The following TSPYL4 variants were observed in gnomAD, a reference collection of about 807,000 sequenced individuals.
TSPYL4 encodes TSPY like 4, also known as testis-specific Y-encoded-like protein 4.
Under a neutral mutation model 24.2 loss-of-function variants are expected in TSPYL4, and 22 were observed. The ratio of observed to expected loss-of-function variants is 0.91; its 90% CI spans 0.65 to 1.30. TSPYL4 has a LOEUF of 1.30. Ranked by LOEUF, TSPYL4 falls within the 50% of genes most tolerant of loss-of-function variation. The pLI, the probability that TSPYL4 is intolerant of heterozygous loss-of-function variation, is 0.00. For synonymous variants in TSPYL4, 211 were observed against 208.2 expected (o/e 1.01, Z -0.12); for missense variants, 569 against 536.7 (o/e 1.06, Z -0.60).
Position 116,254,042 on chromosome 6 carries a change from G to T in TSPYL4, c.-34C>A. The T allele has an allele frequency of 7.2e-6, 11 of 1,534,162 alleles. No individual in the cohort carries two copies. The highest frequency in any genetic ancestry group is 9.6e-6 in the Non-Finnish European group (11 of 1,140,924). ...AAGTCAGACTAGTGGGAGAGGGAGAGTTCCTTGTCCTCCGCAGCGGCCGAG... is the reference window on the plus strand; with the variant it reads ...AAGTCAGACTAGTGGGAGAGGGAGATTTCCTTGTCCTCCGCAGCGGCCGAG... On this transcript the variant is annotated 5_prime_UTR_variant, in exon 1 of 1. Transcript: ENST00000420283.
At position 116,250,901 on chromosome 6, in the gene TSPYL4, G is replaced by A. The variant is rs1053164126; in HGVS notation, c.*1863C>T. ...CACATGATCATAACTAAGCCTTGACGGCATCACTGTCCCACCTACTGGAAC... is the reference window on the plus strand; with the variant it reads ...CACATGATCATAACTAAGCCTTGACAGCATCACTGTCCCACCTACTGGAAC... On this transcript the variant is annotated 3_prime_UTR_variant, in exon 1 of 1. Transcript: ENST00000420283. The A allele has an allele frequency of 1.6e-5, 5 of 308,614 alleles. No individual in the cohort carries two copies. The highest frequency in any genetic ancestry group is 2.9e-5 in the Non-Finnish European group (5 of 169,770). 19.1% of individuals were successfully genotyped at this position (308,614 alleles called of 1,614,324 possible).
Position 116,251,775 on chromosome 6 carries a change from G to C in TSPYL4, c.*989C>G, listed in dbSNP as rs1337358801. 6.6e-6 allele frequency: 1 copy of C among 152,320 alleles called. No individual in the cohort carries two copies. Among genetic ancestry groups the C allele is most frequent in the East Asian group, 1.9e-4 (1 of 5,196 alleles). 9.4% of individuals were successfully genotyped at this position (152,320 alleles called of 1,614,324 possible). A position where few individuals can be genotyped will look rare whatever the true frequency, so the allele number is the denominator to read the frequency against. ...GTCATGTTCAGAGTGGGTGCAGGCG[G>C]GGAAAAGAGGAAATGCCTAAAGAAG... On this transcript the variant is annotated 3_prime_UTR_variant, in exon 1 of 1. Coordinates refer to ENST00000420283, the MANE Select transcript of TSPYL4 (RefSeq NM_021648.5).
rs2232470 is a variant in TSPYL4, at chr6:116,253,920, C to A, written c.89G>T (p.Arg30Leu). 1,106,722 of 1,613,130 alleles carry A rather than the reference C, an allele frequency of 0.69. 389,702 individuals carry two copies. The highest frequency in any genetic ancestry group is 1 in the East Asian group (44,804 of 44,874). Residue 30 changes from arginine to leucine, a missense_variant, in exon 1 of 1, where the codon CGA (arginine) becomes CTA (leucine). Arg to Leu is a moderately radical substitution (Grantham distance 102). Coordinates refer to ENST00000420283, the MANE Select transcript of TSPYL4 (RefSeq NM_021648.5). The surrounding 1 kb of genome is among the most constrained non-coding windows in gnomAD (Gnocchi z 4.3). ...TTCACGGAGCCCTTGGCACTGGTCT[C>A]GGTCCGGATCTCCTGAGGCATGGTC... ...APDHASGDPDRDQCQGLREET... is the reference protein window; with the variant it reads ...APDHASGDPDLDQCQGLREET...
rs899928669 is a variant in TSPYL4, at chr6:116,250,020, A to AT, written c.*2743dup. On this transcript the variant is annotated 3_prime_UTR_variant, in exon 1 of 1. Transcript: ENST00000420283. ...ACAAGAAATACGGTAGTGACACTTT[A>AT]TTTTTCCTTCAAGCACATGGGAGAA... 3 of 152,210 alleles carry AT rather than the reference A, an allele frequency of 2.0e-5. No individual in the cohort carries two copies. Among genetic ancestry groups the AT allele is most frequent in the Admixed American group, 6.5e-5 (1 of 15,296 alleles). The allele number at this position is 152,210 out of a possible 1,614,324, so 9.4% of individuals were successfully genotyped here. A position where few individuals can be genotyped will look rare whatever the true frequency, so the allele number is the denominator to read the frequency against.
At position 116,252,692 on chromosome 6, in the gene TSPYL4, G is replaced by A. The variant is rs905233995; in HGVS notation, c.*72C>T. On this transcript the variant is annotated 3_prime_UTR_variant, in exon 1 of 1. Coordinates refer to ENST00000420283, the MANE Select transcript of TSPYL4 (RefSeq NM_021648.5). ...AGAGAAAGCAGATGGAAGACTGCAT[G>A]CTGTTGGCCAAGCATAGGTCCAAGA... 4.9e-6 allele frequency: 7 copies of A among 1,441,050 alleles called. No homozygotes were observed. The East Asian group carries it at 1.2e-4, about 25-fold the overall frequency. 89.3% of individuals were successfully genotyped at this position (1,441,050 alleles called of 1,614,324 possible). A position where few individuals can be genotyped will look rare whatever the true frequency, so the allele number is the denominator to read the frequency against.
rs1771950333 is a variant in TSPYL4 at position 116,251,492 on chromosome 6, A to C, written c.*1272T>G. 1 of 372,020 alleles carries C rather than the reference A, an allele frequency of 2.7e-6. No homozygotes were observed. The highest frequency in any genetic ancestry group is 4.8e-6 in the Non-Finnish European group (1 of 210,482). 23.0% of individuals were successfully genotyped at this position (372,020 alleles called of 1,614,324 possible). A position where few individuals can be genotyped will look rare whatever the true frequency, so the allele number is the denominator to read the frequency against. ...GTGGGGTGGAGGAATAAGGGCAATA[A>C]GAGATCTGGAGCCCATTTAATCATA... On this transcript the variant is annotated 3_prime_UTR_variant, in exon 1 of 1. Transcript: ENST00000420283.
chr6:116,250,885 A>G lies in TSPYL4; in HGVS notation c.*1879T>C, dbSNP rs1229109360. On this transcript the variant is annotated 3_prime_UTR_variant, in exon 1 of 1. Transcript: ENST00000420283. ...ATGGTCTTTATCACCACACATGATCATAACTAAGCCTTGACGGCATCACTG... is the reference window on the plus strand; with the variant it reads ...ATGGTCTTTATCACCACACATGATCGTAACTAAGCCTTGACGGCATCACTG... The G allele has an allele frequency of 2.2e-5, 6 of 276,508 alleles. No homozygotes were observed. The East Asian group carries it at 3.6e-4, about 17-fold the overall frequency. The allele number at this position is 276,508 out of a possible 1,614,324, so 17.1% of individuals were successfully genotyped here.
chr6:116,251,014 GCTT>G lies in TSPYL4; in HGVS notation c.*1747_*1749del. 2 of 393,270 alleles carry G rather than the reference GCTT, an allele frequency of 5.1e-6. No homozygotes were observed. Among genetic ancestry groups the G allele is most frequent in the South Asian group, 1.4e-4 (1 of 6,968 alleles). 24.4% of individuals were successfully genotyped at this position (393,270 alleles called of 1,614,324 possible). A position where few individuals can be genotyped will look rare whatever the true frequency, so the allele number is the denominator to read the frequency against. ...TCTTCCACAATGCAGGCTGCAGCCT[GCTT>G]CTTCATTTGTTAGGAGCAGGGAAGG... On this transcript the variant is annotated 3_prime_UTR_variant, in exon 1 of 1. Coordinates refer to ENST00000420283, the MANE Select transcript of TSPYL4 (RefSeq NM_021648.5).
In TSPYL4 at chr6:116,253,007, T is replaced by G. The variant is rs1418889074; in HGVS notation, c.1002A>C (p.Arg334=). 8.7e-6 allele frequency: 14 copies of G among 1,614,064 alleles called. No individual in the cohort carries two copies. The highest frequency in any genetic ancestry group is 1.1e-5 in the Non-Finnish European group (13 of 1,180,042). ...GGATATGAGCCTGGGGGTCTTGGCC[T>G]CGGTGCCAGCGGATTGGAGTGGAAA... ...VSLSTPIRWH[R]GQDPQAHIHR... is the part of the protein sequence containing the mutation. The change falls in exon 1 of 1, where the codon CGA becomes CGC. Residue 334 remains arginine (R), a synonymous_variant. Coordinates refer to ENST00000420283, the MANE Select transcript of TSPYL4 (RefSeq NM_021648.5). The surrounding 1 kb of genome is among the most constrained non-coding windows in gnomAD (Gnocchi z 4.3).
rs748300413 is a variant in TSPYL4 at position 116,251,899 on chromosome 6, G to A, written c.*865C>T. The A allele has an allele frequency of 1.3e-5, 2 of 152,210 alleles. No individual in the cohort carries two copies. Among genetic ancestry groups the A allele is most frequent in the Non-Finnish European group, 2.9e-5 (2 of 68,072 alleles). 9.4% of individuals were successfully genotyped at this position (152,210 alleles called of 1,614,324 possible). On this transcript the variant is annotated 3_prime_UTR_variant, in exon 1 of 1. Transcript: ENST00000420283. ...GCTTTGGGCTCTGTCACATATTACT[G>A]CCCATCCTGGTGGTAGGGGGTGTTG...
rs1771947860 is a variant in TSPYL4 at position 116,251,323 on chromosome 6, A to C, written c.*1441T>G. On this transcript the variant is annotated 3_prime_UTR_variant, in exon 1 of 1. Coordinates refer to ENST00000420283, the MANE Select transcript of TSPYL4 (RefSeq NM_021648.5). ...TCTCTCTTTCCAGCTTCTCAAACTA[A>C]AAACTCAAGAAATACACAGGTTTTG... The C allele has an allele frequency of 5.0e-6, 2 of 398,530 alleles. No homozygotes were observed. Among genetic ancestry groups the C allele is most frequent in the Non-Finnish European group, 8.8e-6 (2 of 226,132 alleles). 24.7% of individuals were successfully genotyped at this position (398,530 alleles called of 1,614,324 possible). A position where few individuals can be genotyped will look rare whatever the true frequency, so the allele number is the denominator to read the frequency against.
Position 116,252,564 on chromosome 6 carries a change from G to T in TSPYL4, c.*200C>A. On this transcript the variant is annotated 3_prime_UTR_variant, in exon 1 of 1. Coordinates refer to ENST00000420283, the MANE Select transcript of TSPYL4 (RefSeq NM_021648.5). The stretch of plus-strand genomic sequence containing the variant: ...AAACATGTTAACACAATGCAGAAAA[G>T]CATGAAGGCCCAGAGGAAGAATGGC... 3.1e-6 allele frequency: 2 copies of T among 638,760 alleles called. No individual in the cohort carries two copies. The highest frequency in any genetic ancestry group is 5.3e-6 in the Non-Finnish European group (2 of 380,692). 39.6% of individuals were successfully genotyped at this position (638,760 alleles called of 1,614,324 possible).
chr6:116,253,706 T>C lies in TSPYL4; in HGVS notation c.303A>G (p.Glu101=), dbSNP rs1306241352. The change falls in exon 1 of 1, where the codon GAA becomes GAG. Residue 101 remains glutamate (E), a synonymous_variant. Coordinates refer to ENST00000420283, the MANE Select transcript of TSPYL4 (RefSeq NM_021648.5). The surrounding 1 kb of genome is among the most constrained non-coding windows in gnomAD (Gnocchi z 4.3). ...EDAPPSTKGL[E]AASAAEAADS... is the part of the protein sequence containing the mutation. ...CAGCAGCCTCGGCGGCAGAGGCTGCTTCCAGACCTTTCGTAGAAGGTGGAG... is the reference window on the plus strand; with the variant it reads ...CAGCAGCCTCGGCGGCAGAGGCTGCCTCCAGACCTTTCGTAGAAGGTGGAG... The C allele has an allele frequency of 6.4e-7, 1 of 1,565,706 alleles. No homozygotes were observed. The highest frequency in any genetic ancestry group is 2.4e-5 in the East Asian group (1 of 42,122).
chr6:116,253,576 G>T lies in TSPYL4; in HGVS notation c.433C>A (p.Pro145Thr). 6.4e-7 allele frequency: 1 copy of T among 1,551,924 alleles called. No individual in the cohort carries two copies. The highest frequency in any genetic ancestry group is 2.4e-5 in the East Asian group (1 of 40,920). Residue 145 changes from proline (P) to threonine (T), a missense_variant, in exon 1 of 1, where the codon CCG (proline) becomes ACG (threonine). Transcript: ENST00000420283. The surrounding 1 kb of genome is among the most constrained non-coding windows in gnomAD (Gnocchi z 4.3). ...GTCACTTCCTTGGCCTTCTTCCCCGGTATCATCTGAGACCCCAAGCCCCCT... is the reference window on the plus strand; with the variant it reads ...GTCACTTCCTTGGCCTTCTTCCCCGTTATCATCTGAGACCCCAAGCCCCCT... ...GAGGLGSQMIPGKKAKEVTTK... is the reference protein window; with the variant it reads ...GAGGLGSQMITGKKAKEVTTK...
At position 116,253,280 on chromosome 6, in the gene TSPYL4, T is replaced by C. The variant is rs1771994414; in HGVS notation, c.729A>G (p.Arg243=). Residue 243 remains arginine (R), a synonymous_variant, in exon 1 of 1, where the codon AGA becomes AGG. Coordinates refer to ENST00000420283, the MANE Select transcript of TSPYL4 (RefSeq NM_021648.5). This position sits in a 1 kb window ranked among gnomAD's most constrained non-coding sequence, Gnocchi z 4.3. ...GRMRRLHMQR[R]SFIIQNIPGF... ...CTGGGATATTCTGGATAATGAAACT[T>C]CTGCGCTGCATGTGGAGCCTTCGCA... 1 of 1,609,252 alleles carries C rather than the reference T, an allele frequency of 6.2e-7. No homozygotes were observed. Among genetic ancestry groups the C allele is most frequent in the African/African-American group, 1.3e-5 (1 of 74,804 alleles).
Position 116,254,038 on chromosome 6 carries a change from G to A in TSPYL4, c.-30C>T, listed in dbSNP as rs765244525. ...GAAGAAGTCAGACTAGTGGGAGAGG[G>A]AGAGTTCCTTGTCCTCCGCAGCGGC... On this transcript the variant is annotated 5_prime_UTR_variant, in exon 1 of 1. Coordinates refer to ENST00000420283, the MANE Select transcript of TSPYL4 (RefSeq NM_021648.5). The A allele has an allele frequency of 3.9e-6, 6 of 1,538,812 alleles. No individual in the cohort carries two copies. The highest frequency in any genetic ancestry group is 5.2e-6 in the Non-Finnish European group (6 of 1,143,640).
In TSPYL4 at chr6:116,251,632, G is replaced by A. The variant is rs1343965728; in HGVS notation, c.*1132C>T. ...GCTTCAGAGTGAAAGGGAAGAAAAG[G>A]GATGGGAGGGAGAGGGGGAGGGAGA... On this transcript the variant is annotated 3_prime_UTR_variant, in exon 1 of 1. Coordinates refer to ENST00000420283, the MANE Select transcript of TSPYL4 (RefSeq NM_021648.5). The A allele has an allele frequency of 6.3e-6, 1 of 157,490 alleles. No individual in the cohort carries two copies. The highest frequency in any genetic ancestry group is 2.4e-5 in the African/African-American group (1 of 41,152). The allele number at this position is 157,490 out of a possible 1,614,324, so 9.8% of individuals were successfully genotyped here.
At position 116,249,981 on chromosome 6, in the gene TSPYL4, AT is replaced by A. The variant is rs1344367505; in HGVS notation, c.*2782del. 6.6e-6 allele frequency: 1 copy of A among 150,478 alleles called. No individual in the cohort carries two copies. The highest frequency in any genetic ancestry group is 1.5e-5 in the Non-Finnish European group (1 of 67,648). The allele number at this position is 150,478 out of a possible 1,614,324, so 9.3% of individuals were successfully genotyped here. On this transcript the variant is annotated 3_prime_UTR_variant, in exon 1 of 1. Transcript: ENST00000420283. ...ACACAGAATTTTTTAAATTATTTTT[AT>A]TTTTTGATGAAAACAAGAAATACGG... is the stretch of plus-strand genomic sequence containing the variant.
Position 116,253,936 on chromosome 6 carries a change from A to G in TSPYL4, c.73T>C (p.Ser25Pro), listed in dbSNP as rs1291337855. The G allele has an allele frequency of 1.2e-6, 2 of 1,612,336 alleles. No individual in the cohort carries two copies. The highest frequency in any genetic ancestry group is 1.7e-6 in the Non-Finnish European group (2 of 1,179,224). Residue 25 changes from serine to proline, a missense_variant, in exon 1 of 1, where the codon TCA (serine) becomes CCA (proline). Ser to Pro is a moderately conservative substitution (Grantham distance 74). Transcript: ENST00000420283. This position sits in a 1 kb window ranked among gnomAD's most constrained non-coding sequence, Gnocchi z 4.3. Reference protein sequence around the residue: ...TGGLAAPDHASGDPDRDQCQG... With the variant: ...TGGLAAPDHAPGDPDRDQCQG... ...CACTGGTCTCGGTCCGGATCTCCTG[A>G]GGCATGGTCGGGAGCAGCCAGGCCG...
Sources: gnomAD v4.1 joint callset for allele counts on GRCh38, gnomAD v4.1.1 for gene constraint, Gnocchi (gnomAD v3.1) non-coding constraint, MANE v1.5 for transcripts, NCBI Gene and HGNC (gene_info 2026-07-23, HGNC 2026-07-21) for gene names.